Variants in CACNA1C observed in about 807,000 individuals in gnomAD.
The protein encoded by CACNA1C is calcium voltage-gated channel subunit alpha1 C.
Under a neutral mutation model 229.0 loss-of-function variants are expected in CACNA1C, and 30 were observed. The observed-to-expected ratio is 0.13, with a 90% CI of 0.10 to 0.18. CACNA1C has a LOEUF of 0.18. CACNA1C is among the 10% of genes least tolerant of loss of function. CACNA1C has a pLI of 1.00. For synonymous variants in CACNA1C, 1,114 were observed against 1,132.5 expected (o/e 0.98, Z 0.33); for missense variants, 1,658 against 2,845.0 (o/e 0.58, Z 9.49).
At chr12:2,177,634 C>CTTTCTTTCTTTCTT (rs1566165783) in intron 3 of CACNA1C, among the ~76,000 whole-genome samples, 4 of 112,876 alleles carry the variant, frequency 3.5e-5, no homozygotes, top group African/African-American at 1.5e-4. Context: ...CCTTCTCTCT[C>CTTTCTTTCTTTCTT]TCTTTCTTTC....
At position 2,691,560 on chromosome 12, in the gene CACNA1C, T is replaced by C. The variant is rs1188840518; in HGVS notation, c.*361T>C. 3 of 216,342 alleles carry C rather than the reference T, an allele frequency of 1.4e-5. No homozygotes were observed. Among genetic ancestry groups the C allele is most frequent in the Admixed American group, 1.2e-4 (2 of 16,988 alleles). The allele number at this position is 216,342 out of a possible 1,614,324, so 13.4% of individuals were successfully genotyped here. Reference sequence around the variant, plus strand: ...GCAAACGGGTGTCTTTCGACTCTGCTTGTAGAAACCATTTGCACATATTCT... The same window carrying C: ...GCAAACGGGTGTCTTTCGACTCTGCCTGTAGAAACCATTTGCACATATTCT... On this transcript the variant is annotated 3_prime_UTR_variant, in exon 47 of 47. Transcript: ENST00000399655.
At chr12:2,342,347 T>C (rs930691448) in intron 3 of CACNA1C, among the ~76,000 whole-genome samples, 2 of 152,246 alleles carry the variant, frequency 1.3e-5, no homozygotes, top group Non-Finnish European at 2.9e-5. Context: ...ATCCAGCCAC[T>C]TGTATATCCT....
At chr12:2,625,573 A>G (rs1384318945) in intron 29 of CACNA1C, among the ~76,000 whole-genome samples, 1 of 151,690 alleles carries the variant, frequency 6.6e-6, no homozygotes, top group East Asian at 1.9e-4. Context: ...CCCACCAACA[A>G]CAGCAATAGT....
At chr12:2,290,616 G>C (rs1331695786) in intron 3 of CACNA1C, among the ~76,000 whole-genome samples, 1 of 152,132 alleles carries the variant, frequency 6.6e-6, no homozygotes, top group Non-Finnish European at 1.5e-5. Context: ...GTGATTAATT[G>C]TACTGTCCAT....
At chr12:1,986,355 T>C (rs1365919494) in intron 1 of CACNA1C, among the ~76,000 whole-genome samples, 1 of 152,178 alleles carries the variant, frequency 6.6e-6, no homozygotes, top group Non-Finnish European at 1.5e-5. Context: ...GGGGCCTTTT[T>C]CCCCAGTCTT....
At chr12:2,066,908 A>G (rs571785505) in intron 1 of CACNA1C, among the ~76,000 whole-genome samples, 2 of 151,952 alleles carry the variant, frequency 1.3e-5, no homozygotes, top group Admixed American at 6.6e-5. Flanking sequence ...CCTGGGAGGG[A>G]TGAGGCAGCT....
At chr12:2,687,516 G>A (rs2097566512) in intron 45 of CACNA1C, among the ~76,000 whole-genome samples, 1 of 151,906 alleles carries the variant, frequency 6.6e-6, no homozygotes, top group African/African-American at 2.4e-5. Context: ...GAATATTCAG[G>A]GACAGAGGGC....
intron 3 of CACNA1C, among the ~76,000 whole-genome samples, chr12:2,322,570 A>G (rs1424563385): frequency 6.6e-6 from 1 of 152,200 alleles, no homozygotes. Flanking sequence ...CAGATGAAAA[A>G]TGAGGCTCTG....
At chr12:2,325,491 G>T (rs1365918309) in intron 3 of CACNA1C, among the ~76,000 whole-genome samples, 1 of 152,218 alleles carries the variant, frequency 6.6e-6, no homozygotes, top group Non-Finnish European at 1.5e-5. Context: ...AGGAATATCG[G>T]CTGTAGAGTT....
chr12:2,640,141 G>GT (rs2093488885), intron 30 of CACNA1C, among the ~76,000 whole-genome samples: 1 of 152,236 alleles, frequency 6.6e-6, no homozygotes, highest in Admixed American at 6.5e-5. Context: ...TGAAACCCGT[G>GT]TGCTTACTCT....
At chr12:2,533,444 G>A (rs968238221) in intron 9 of CACNA1C, among the ~76,000 whole-genome samples, 1 of 152,218 alleles carries the variant, frequency 6.6e-6, no homozygotes, top group Non-Finnish European at 1.5e-5. Context: ...CCCTCTCTGA[G>A]CGTGAAGGAG....
intron 3 of CACNA1C, among the ~76,000 whole-genome samples, chr12:2,140,228 C>T (rs968170686): frequency 1.3e-5 from 2 of 151,260 alleles, no homozygotes; most frequent in African/African-American, 2.4e-5. Context: ...GGAACAGTCA[C>T]GGTGGGTGGA....
At chr12:2,241,714 G>A (rs2070374371) in intron 3 of CACNA1C, among the ~76,000 whole-genome samples, 2 of 152,304 alleles carry the variant, frequency 1.3e-5, no homozygotes, top group Admixed American at 6.5e-5. Context: ...CTCAGAAGCA[G>A]CTATCCTTAA....
At chr12:2,316,262 G>C (rs2095684644) in intron 3 of CACNA1C, among the ~76,000 whole-genome samples, 2 of 152,258 alleles carry the variant, frequency 1.3e-5, no homozygotes, top group Admixed American at 1.3e-4. Context: ...GTATGGTCTT[G>C]AGAAAGTGCC....
chr12:2,325,831 G>A (rs1203704467), intron 3 of CACNA1C, among the ~76,000 whole-genome samples: 2 of 152,220 alleles, frequency 1.3e-5, no homozygotes, highest in Non-Finnish European at 2.9e-5. Flanking sequence ...CGAGCTCTGC[G>A]GACAGCAGGA....
intron 1 of CACNA1C, chr12:2,010,833 A>C (rs2044270815): frequency 6.6e-6 from 1 of 152,148 alleles, no homozygotes; most frequent in Non-Finnish European, 1.5e-5. Flanking sequence ...GATTATCAAC[A>C]GGGAGAAAAA....
intron 3 of CACNA1C, among the ~76,000 whole-genome samples, chr12:2,314,982 A>G (rs964036726): frequency 5.9e-5 from 9 of 152,174 alleles, no homozygotes; most frequent in Non-Finnish European, 8.8e-5. Flanking sequence ...ACTTGCCTTT[A>G]TGAAAGAAAA....
intron 5 of CACNA1C, among the ~76,000 whole-genome samples, chr12:2,458,900 C>T (rs1287025289): frequency 6.6e-6 from 1 of 152,040 alleles, no homozygotes; most frequent in Non-Finnish European, 1.5e-5. Flanking sequence ...TCTAGACCAG[C>T]TCTTTCCTGC....
At chr12:2,320,964 G>A (rs1405982635) in intron 3 of CACNA1C, among the ~76,000 whole-genome samples, 2 of 152,228 alleles carry the variant, frequency 1.3e-5, no homozygotes, top group Non-Finnish European at 2.9e-5. Context: ...CCCAGAGGAG[G>A]GGCTTCCATC....
Sources: allele counts gnomAD v4.1 joint callset (sites outside exome capture counted in the v4.1 genomes callset), GRCh38; gene constraint gnomAD v4.1.1; transcripts MANE v1.5; gene names NCBI Gene and HGNC (gene_info 2026-07-23, HGNC 2026-07-21).